METTL15: variants seen among roughly 807,000 people sequenced by gnomAD.
The protein encoded by METTL15 is methyltransferase 15, mitochondrial 12S rRNA N4-cytidine, also known as 12S rRNA N(4)-cytidine methyltransferase METTL15.
A neutral mutation model predicts 38.3 loss-of-function variants in METTL15; 34 were observed. The observed-to-expected ratio is 0.89, with a 90% CI of 0.68 to 1.18. The LOEUF (loss-of-function observed/expected upper bound fraction) is 1.18, where lower values mean the gene tolerates loss of function less well. METTL15 is among the 50% of genes most tolerant of loss of function. The pLI, the probability that METTL15 is intolerant of heterozygous loss-of-function variation, is 0.00. For synonymous variants in METTL15, 162 were observed against 170.9 expected, an observed-to-expected ratio of 0.95 and a Z score of 0.41; for missense variants, 438 against 498.4, an observed-to-expected ratio of 0.88 and a Z score of 1.15.
chr11:28,435,930 CA>C (rs933095210), intron 6 of METTL15, among the ~76,000 whole-genome samples: 35 of 152,164 alleles, frequency 2.3e-4, no homozygotes, highest in African/African-American at 8.2e-4. Flanking sequence ...GAGATAAAAA[CA>C]GTTTTATGTC....
chr11:28,236,041 C>T (rs1565190590), intron 4 of METTL15, among the ~76,000 whole-genome samples: 3 of 151,954 alleles, frequency 2.0e-5, no homozygotes, highest in African/African-American at 4.8e-5. Flanking sequence ...TGTCAAAGGC[C>T]TTTTCTGCAT....
chr11:28,156,531 A>T (rs1850272624), intron 3 of METTL15, among the ~76,000 whole-genome samples: 1 of 152,100 alleles, frequency 6.6e-6, no homozygotes, highest in African/African-American at 2.4e-5. Context: ...GCCCATAAAC[A>T]TTTATGTCAT....
At position 28,472,605 on chromosome 11, in the gene METTL15, G is replaced by T. The variant is rs1851312340; in HGVS notation, c.*424+48241G>T. Among the ~76,000 whole-genome samples the T allele has an allele frequency of 2.0e-5, 3 of 152,104 alleles. No homozygotes were observed. In the South Asian group the frequency reaches 6.2e-4, roughly 32 times the overall value. Reference sequence around the variant, plus strand: ...TGTGGATTGGACTTTATATCAATCTGTATCAGGCCTGTAATGATAATAATA... The same window carrying T: ...TGTGGATTGGACTTTATATCAATCTTTATCAGGCCTGTAATGATAATAATA... On this transcript the variant is annotated intron_variant and NMD_transcript_variant, in intron 6 of 7. Transcript: ENST00000532947.
chr11:28,436,820 G>T (rs1440045983), intron 6 of METTL15, among the ~76,000 whole-genome samples: 2 of 152,094 alleles, frequency 1.3e-5, no homozygotes, highest in Non-Finnish European at 2.9e-5. Context: ...TGGATTGAAG[G>T]TTGCAAAGTA....
intron 6 of METTL15, among the ~76,000 whole-genome samples, chr11:28,525,409 A>G (rs969235937): frequency 1.3e-5 from 2 of 152,166 alleles, no homozygotes; most frequent in African/African-American, 4.8e-5. Flanking sequence ...CACAGTGCTA[A>G]TTGATGTATT....
intron 5 of METTL15, among the ~76,000 whole-genome samples, chr11:28,413,932 T>G (rs1032266852): frequency 2.0e-5 from 3 of 152,156 alleles, no homozygotes; most frequent in African/African-American, 7.2e-5. Context: ...AGTGCAGAGT[T>G]TCTTAACATT....
At chr11:28,315,571 C>G (rs929640506) in intron 6 of METTL15, among the ~76,000 whole-genome samples, 4 of 152,178 alleles carry the variant, frequency 2.6e-5, no homozygotes, top group Non-Finnish European at 4.4e-5. Context: ...GAAATCCAAG[C>G]TGACTGCAGA....
chr11:28,209,964 C>T (rs1852555351), intron 3 of METTL15, among the ~76,000 whole-genome samples: 1 of 151,922 alleles, frequency 6.6e-6, no homozygotes, highest in Admixed American at 6.6e-5. Context: ...TTTCATAACA[C>T]CAATGAAGTT....
chr11:28,292,037 G>T (rs1460483733), intron 5 of METTL15, among the ~76,000 whole-genome samples: 2 of 151,712 alleles, frequency 1.3e-5, no homozygotes, highest in African/African-American at 4.8e-5. Flanking sequence ...TTTTTTAGGA[G>T]AATACATTTA....
chr11:28,402,095 G>A (rs911777249), intron 5 of METTL15, among the ~76,000 whole-genome samples: 4 of 151,904 alleles, frequency 2.6e-5, no homozygotes, highest in Admixed American at 6.6e-5. Context: ...GGTCAAAAAC[G>A]TTGTGAACAG....
chr11:28,472,877 G>GC (rs1279458055), intron 6 of METTL15, among the ~76,000 whole-genome samples: 2 of 151,250 alleles, frequency 1.3e-5, no homozygotes, highest in Non-Finnish European at 2.9e-5. Flanking sequence ...TAGAGACTGA[G>GC]CACTCAGTAG....
chr11:28,203,837 T>TA (rs367996015), intron 3 of METTL15, among the ~76,000 whole-genome samples: 27 of 152,132 alleles, frequency 1.8e-4, no homozygotes, highest in African/African-American at 6.3e-4. Flanking sequence ...GATTAGCAAA[T>TA]AAAAACATGG....
At chr11:28,134,441 A>T (rs1366600104) in intron 3 of METTL15, 1 of 397,458 alleles carries the variant, frequency 2.5e-6, no homozygotes, top group Non-Finnish European at 4.4e-6. Context: ...GCCCCTGTGC[A>T]AGTTCCCTTA....
At chr11:28,462,785 G>A (rs560526770) in intron 6 of METTL15, among the ~76,000 whole-genome samples, 1 of 151,972 alleles carries the variant, frequency 6.6e-6, no homozygotes. Flanking sequence ...TGGGAGAAAG[G>A]GTTCCCAAAT....
intron 2 of METTL15, among the ~76,000 whole-genome samples, chr11:28,111,780 A>T (rs1022224005): frequency 1.3e-5 from 2 of 152,222 alleles, no homozygotes; most frequent in African/African-American, 4.8e-5. Context: ...TTATAATAGT[A>T]AGTGGTGCTT....
chr11:28,123,263 A>C (rs888387301), intron 3 of METTL15, among the ~76,000 whole-genome samples: 11 of 152,136 alleles, frequency 7.2e-5, no homozygotes, highest in African/African-American at 2.7e-4. Flanking sequence ...AGTTACTGCA[A>C]GAGTCTAGGC....
At chr11:28,517,204 G>A (rs1366841340) in intron 6 of METTL15, 1 of 151,750 alleles carries the variant, frequency 6.6e-6, no homozygotes, top group African/African-American at 2.4e-5. Flanking sequence ...CTTGAAATCA[G>A]AATCTCCAAC....
chr11:28,208,166 T>A (rs971645971), intron 3 of METTL15, among the ~76,000 whole-genome samples: 8 of 152,200 alleles, frequency 5.3e-5, no homozygotes, highest in African/African-American at 1.7e-4. Flanking sequence ...TGAATGTGTT[T>A]GCTCTTGCTT....
chr11:28,396,220 C>T (rs577319208), intron 5 of METTL15, among the ~76,000 whole-genome samples: 43 of 152,208 alleles, frequency 2.8e-4, no homozygotes, highest in Non-Finnish European at 3.5e-4. Flanking sequence ...TCCTATTCAA[C>T]GTAGTGTTGG....
Sources: gnomAD v4.1 joint callset for allele counts (sites outside exome capture counted in the v4.1 genomes callset) on GRCh38, gnomAD v4.1.1 for gene constraint, MANE v1.5 for transcripts, NCBI Gene and HGNC (gene_info 2026-07-23, HGNC 2026-07-21) for gene names.